Variants in LAMTOR1 observed in about 807,000 individuals in gnomAD.
LAMTOR1 encodes the protein late endosomal/lysosomal adaptor, MAPK and MTOR activator 1, also known as ragulator complex protein LAMTOR1.
A neutral mutation model predicts 20.5 loss-of-function variants in LAMTOR1; 8 were observed. That is an observed-to-expected ratio of 0.39 (90% confidence interval 0.23 to 0.70). The LOEUF is 0.70. LAMTOR1 is among the 30% of genes least tolerant of loss of function. LAMTOR1 has a pLI of 0.43. For synonymous variants in LAMTOR1, 77 were observed against 80.9 expected, an observed-to-expected ratio of 0.95 and a Z score of 0.26; for missense variants, 135 against 206.2, an observed-to-expected ratio of 0.65 and a Z score of 2.11.
At chr11:72,102,750 G>C (rs1945490904) in intron 1 of LAMTOR1, among the ~76,000 whole-genome samples, 1 of 152,182 alleles carries the variant, frequency 6.6e-6, no homozygotes, top group Non-Finnish European at 1.5e-5. Flanking sequence ...CAGGGACTAA[G>C]ACGATACACG....
In LAMTOR1 at chr11:72,097,307, CCTTT is replaced by C; in HGVS notation, c.*511_*514del. ...AACCAGCACATGGATGAATATACTT[CCTTT>C]ATCGAGGGTGACAAACCAAAACAAA... On this transcript the variant is annotated 3_prime_UTR_variant, in exon 5 of 5. Coordinates refer to ENST00000278671, the MANE Select transcript of LAMTOR1 (RefSeq NM_017907.3). 2.0e-6 allele frequency: 2 copies of C among 995,068 alleles called. No individual in the cohort carries two copies. Among genetic ancestry groups the C allele is most frequent in the African/African-American group, 1.7e-5 (1 of 57,464 alleles). 61.6% of individuals were successfully genotyped at this position (995,068 alleles called of 1,614,324 possible).
Position 72,097,729 on chromosome 11 carries a change from G to A in LAMTOR1, c.*93C>T, listed in dbSNP as rs1253518418. The A allele has an allele frequency of 1.2e-6, 2 of 1,601,506 alleles. No homozygotes were observed. The highest frequency in any genetic ancestry group is 1.7e-5 in the Admixed American group (1 of 58,946). On this transcript the variant is annotated 3_prime_UTR_variant, in exon 5 of 5. Coordinates refer to ENST00000278671, the MANE Select transcript of LAMTOR1 (RefSeq NM_017907.3). ...TTCTCTGTGATTAGTAGCAGGTTAG[G>A]GTACTGTATAAGCCGCAGTGAGGCT...
Position 72,098,387 on chromosome 11 carries a change from G to A in LAMTOR1, c.295C>T (p.Leu99=). 1 of 1,612,472 alleles carries A rather than the reference G, an allele frequency of 6.2e-7. No individual in the cohort carries two copies. Among genetic ancestry groups the A allele is most frequent in the Non-Finnish European group, 8.5e-7 (1 of 1,179,490 alleles). Residue 99 remains leucine, a synonymous_variant, in exon 4 of 5, where the codon CTG becomes TTG. Coordinates refer to ENST00000278671, the MANE Select transcript of LAMTOR1 (RefSeq NM_017907.3). The stretch of plus-strand genomic sequence containing the variant: ...GGTGGCAGCTTCTTCCAATGGGTCA[G>A]GCTGCTGCTCAGCACAGCCAAGCGG... ...STRLAVLSSS[L]THWKKLPPLP...
rs1360728849 is a variant in LAMTOR1, at chr11:72,099,209, G to A, written c.90C>T (p.Thr30=). The change falls in exon 2 of 5, where the codon ACC becomes ACT. Residue 30 remains threonine (T), a synonymous_variant. Transcript: ENST00000278671. ...KLLLDPSSPP[T]KALNGAEPNY... is the part of the protein sequence containing the mutation. ...TGGGCTCGGCTCCATTGAGAGCTTTGGTAGGGGGGCTGCTAGGGTCCAGCA... is the reference window on the plus strand; with the variant it reads ...TGGGCTCGGCTCCATTGAGAGCTTTAGTAGGGGGGCTGCTAGGGTCCAGCA... The A allele has an allele frequency of 4.4e-6, 7 of 1,608,800 alleles. No homozygotes were observed. Among genetic ancestry groups the A allele is most frequent in the South Asian group, 2.2e-5 (2 of 90,744 alleles).
intron 1 of LAMTOR1, 74 bp downstream of exon 1, chr11:72,103,109 C>T (rs568036726): frequency 1.3e-6 from 2 of 1,530,464 alleles, no homozygotes; most frequent in African/African-American, 1.4e-5. Flanking sequence ...GCCCGTCCTC[C>T]GCAGGTTTCT....
chr11:72,098,435 T>TG lies in LAMTOR1; in HGVS notation c.267-21dup. The TG allele has an allele frequency of 6.2e-7, 1 of 1,600,562 alleles. No individual in the cohort carries two copies. The highest frequency in any genetic ancestry group is 8.5e-7 in the Non-Finnish European group (1 of 1,173,990). ...CGGGTGCTGACCAAGAGAGAGGGGGTGGGGGTAGGCAGTTAAGCCACAGTC... is the reference window on the plus strand; with the variant it reads ...CGGGTGCTGACCAAGAGAGAGGGGGTGGGGGGTAGGCAGTTAAGCCACAGTC... On this transcript the variant is annotated intron_variant, in intron 3 of 4. Coordinates refer to ENST00000278671, the MANE Select transcript of LAMTOR1 (RefSeq NM_017907.3).
intron 1 of LAMTOR1, among the ~76,000 whole-genome samples, chr11:72,102,428 C>T (rs1002282550): frequency 6.6e-6 from 1 of 152,164 alleles, no homozygotes; most frequent in African/African-American, 2.4e-5. Context: ...CAGCCTAACC[C>T]TTTCTCCAAA....
chr11:72,098,641 G>A (rs1945324264), intron 3 of LAMTOR1, 140 bp downstream of exon 3: 2 of 782,536 alleles, frequency 2.6e-6, no homozygotes, highest in Admixed American at 2.9e-5. Flanking sequence ...AACTACTGAA[G>A]CACCCAAGTG....
At chr11:72,099,034 T>A in intron 2 of LAMTOR1, 77 bp downstream of exon 2, 1 of 1,572,744 alleles carries the variant, frequency 6.4e-7, no homozygotes. Flanking sequence ...CCCCATGTCC[T>A]GAGCCTGGCT....
intron 1 of LAMTOR1, among the ~76,000 whole-genome samples, chr11:72,102,288 A>C (rs1945471418): frequency 6.6e-6 from 1 of 152,248 alleles, no homozygotes; most frequent in Non-Finnish European, 1.5e-5. Context: ...ACGATCAAAA[A>C]AGGAGAGTAG....
At chr11:72,099,004 C>T (rs1055732749) in intron 2 of LAMTOR1, 107 bp downstream of exon 2, 1 of 1,477,506 alleles carries the variant, frequency 6.8e-7, no homozygotes, top group Non-Finnish European at 9.2e-7. Context: ...GGCACCTCTC[C>T]CCAGTGACCT....
In LAMTOR1 at chr11:72,097,824, A is replaced by G; in HGVS notation, c.484T>C (p.Ter162ArgextTer36). Residue 162 changes from the stop codon to arginine, a stop_lost, in exon 5 of 5, where the codon TGA becomes CGA. Coordinates refer to ENST00000278671, the MANE Select transcript of LAMTOR1 (RefSeq NM_017907.3). ...EELVVQFGIP[*>R] is the part of the protein sequence containing the mutation. ...GAGCTGTCCAAGGACCCCTCTCTTC[A>G]TGGGATCCCAAACTGTACAACCAGC... The G allele has an allele frequency of 6.2e-7, 1 of 1,613,920 alleles. No homozygotes were observed. The highest frequency in any genetic ancestry group is 8.5e-7 in the Non-Finnish European group (1 of 1,179,914).
In LAMTOR1 at chr11:72,103,249, G is replaced by A. The variant is rs1476105755; in HGVS notation, c.-25C>T. ...TGGCCGGGGTCGGGCCGGGCGCTCA[G>A]GCCGCGCCGAGGAGGGACGGCGTCC... On this transcript the variant is annotated 5_prime_UTR_variant, in exon 1 of 5. Transcript: ENST00000278671. 2 of 1,552,072 alleles carry A rather than the reference G, an allele frequency of 1.3e-6. No individual in the cohort carries two copies. Among genetic ancestry groups the A allele is most frequent in the Admixed American group, 1.9e-5 (1 of 51,356 alleles).
At chr11:72,098,107 G>C in intron 4 of LAMTOR1, 182 bp downstream of exon 4, 3 of 1,003,522 alleles carry the variant, frequency 3.0e-6, no homozygotes, top group Non-Finnish European at 4.4e-6. Context: ...AAGGTTGCAG[G>C]AAGGAGATAG....
At chr11:72,101,766 T>C (rs1945448728) in intron 1 of LAMTOR1, among the ~76,000 whole-genome samples, 1 of 151,986 alleles carries the variant, frequency 6.6e-6, no homozygotes, top group African/African-American at 2.4e-5. Flanking sequence ...GGAACAGAAA[T>C]GAGAGCCCCC....
Position 72,098,357 on chromosome 11 carries a change from G to A in LAMTOR1, c.325C>T (p.Pro109Ser), listed in dbSNP as rs1198495922. The A allele has an allele frequency of 6.2e-7, 1 of 1,612,718 alleles. No individual in the cohort carries two copies. Among genetic ancestry groups the A allele is most frequent in the South Asian group, 1.1e-5 (1 of 90,728 alleles). Reference protein sequence around the residue: ...LTHWKKLPPLPSLTSQPHQVL... With the variant: ...LTHWKKLPPLSSLTSQPHQVL... ...TGGTGGGGCTGGCTGGTAAGAGACG[G>A]CAGCGGTGGCAGCTTCTTCCAATGG... The change falls in exon 4 of 5, where the codon CCG (proline) becomes TCG (serine). Residue 109 changes from proline (P) to serine (S), a missense_variant. Transcript: ENST00000278671.
chr11:72,097,420 C>G lies in LAMTOR1; in HGVS notation c.*402G>C. ...TTCAAGCTCATCCAGACCCTGGTCA[C>G]AAACCCTAGTGAGGTGCATGTGAGC... On this transcript the variant is annotated 3_prime_UTR_variant, in exon 5 of 5. Coordinates refer to ENST00000278671, the MANE Select transcript of LAMTOR1 (RefSeq NM_017907.3). 1 of 1,011,282 alleles carries G rather than the reference C, an allele frequency of 9.9e-7. No individual in the cohort carries two copies. The highest frequency in any genetic ancestry group is 1.2e-6 in the Non-Finnish European group (1 of 845,354). The allele number at this position is 1,011,282 out of a possible 1,614,324, so 62.6% of individuals were successfully genotyped here.
intron 4 of LAMTOR1, 74 bp downstream of exon 4, chr11:72,098,215 A>G: frequency 1.3e-6 from 2 of 1,580,780 alleles, no homozygotes; most frequent in Admixed American, 3.5e-5. Flanking sequence ...CCTCTGAGGC[A>G]GAGTGGGTGA....
chr11:72,102,135 T>G (rs1462764718), intron 1 of LAMTOR1, among the ~76,000 whole-genome samples: 2 of 152,188 alleles, frequency 1.3e-5, no homozygotes, highest in Non-Finnish European at 2.9e-5. Context: ...CAAAATACGT[T>G]CACTGAAGAA....
Sources: gnomAD v4.1 joint callset for allele counts (sites outside exome capture counted in the v4.1 genomes callset) on GRCh38, gnomAD v4.1.1 for gene constraint, MANE v1.5 for transcripts, NCBI Gene and HGNC (gene_info 2026-07-23, HGNC 2026-07-21) for gene names.